The following APPL2 variants were observed in gnomAD, a reference collection of about 807,000 sequenced individuals.
The protein encoded by APPL2 is DCC-interacting protein 13-beta.
In APPL2, 84 loss-of-function variants were observed where a neutral mutation model predicts 92.7. The ratio of observed to expected loss-of-function variants is 0.91; its 90% CI spans 0.76 to 1.09. The LOEUF is 1.09. Among genes scored for constraint, APPL2 ranks in the 50% least tolerant of loss-of-function variants. The pLI is 0.00. For missense variants in APPL2, 736 were observed against 824.5 expected (o/e 0.89, Z 1.31); for synonymous variants, 291 against 291.0 (o/e 1.00, Z 0.00).
intron 1 of APPL2, chr12:105,229,490 AC>A (rs1566102599): frequency 9.9e-7 from 1 of 1,007,540 alleles, no homozygotes; most frequent in African/African-American, 1.7e-5. Context: ...AAAGATTATG[AC>A]TGAAGGGCTA....
rs61940679 is a variant in APPL2 at position 105,211,014 on chromosome 12, G to T, written c.373+216C>A. 9.3e-4 allele frequency among the ~76,000 whole-genome samples: 142 copies of T among 152,212 alleles called. 2 individuals are homozygous for T. The highest frequency in any genetic ancestry group is 1.6e-3 in the Non-Finnish European group (111 of 68,002). ...TACCCTCAGCAAATGACATTACAAC[G>T]ATCTGTTTCCACACCTGTCTTCTCA... On this transcript the variant is annotated intron_variant, in intron 5 of 20. Coordinates refer to ENST00000258530, the MANE Select transcript of APPL2 (RefSeq NM_018171.5).
In APPL2 at chr12:105,188,419, A is replaced by T; in HGVS notation, c.1488T>A (p.Val496=). 6.2e-7 allele frequency: 1 copy of T among 1,614,142 alleles called. No individual in the cohort carries two copies. The highest frequency in any genetic ancestry group is 8.5e-7 in the Non-Finnish European group (1 of 1,180,004). The change falls in exon 17 of 21, where the codon GTT becomes GTA. Residue 496 remains valine (V), a synonymous_variant. Coordinates refer to ENST00000258530, the MANE Select transcript of APPL2 (RefSeq NM_018171.5). ...TAACTGCCATTGATCCCAAAAACCG[A>T]ACTATAAACATCTGCTGCAAAAGAG... The part of the protein sequence containing the change: ...EDSLLQQMFI[V]RFLGSMAVKT...
chr12:105,221,676 G>A (rs576245714), intron 2 of APPL2, among the ~76,000 whole-genome samples: 1 of 151,536 alleles, frequency 6.6e-6, no homozygotes, highest in East Asian at 2.0e-4. Context: ...ATTGTTTTGG[G>A]CACTCTGGGC....
intron 1 of APPL2, among the ~76,000 whole-genome samples, chr12:105,231,830 C>A (rs763524043): frequency 3.4e-4 from 52 of 152,214 alleles, no homozygotes; most frequent in Non-Finnish European, 1.0e-4. Flanking sequence ...GCAGTGATCA[C>A]CTCTGGAAAA....
intron 20 of APPL2, among the ~76,000 whole-genome samples, chr12:105,175,033 A>G (rs897879869): frequency 1.3e-5 from 2 of 152,060 alleles, no homozygotes; most frequent in Non-Finnish European, 2.9e-5. Flanking sequence ...ACAGGTGTGC[A>G]CCACCACACC....
intron 2 of APPL2, among the ~76,000 whole-genome samples, chr12:105,218,523 T>A (rs1592825129): frequency 6.6e-6 from 1 of 152,044 alleles, no homozygotes; most frequent in Admixed American, 6.5e-5. Flanking sequence ...AAACTAGGAG[T>A]CAGCCATGGG....
chr12:105,220,852 C>T (rs886236666), intron 2 of APPL2, among the ~76,000 whole-genome samples: 1 of 152,246 alleles, frequency 6.6e-6, no homozygotes, highest in African/African-American at 2.4e-5. Flanking sequence ...CAACACACAA[C>T]AGCTGCCTTC....
At chr12:105,207,825 A>G in intron 7 of APPL2, 146 bp downstream of exon 7, 1 of 682,576 alleles carries the variant, frequency 1.5e-6, no homozygotes, top group Non-Finnish European at 2.5e-6. Context: ...TCTACTTATG[A>G]GATTTGGAAT....
chr12:105,190,113 C>A lies in APPL2; in HGVS notation c.1284G>T (p.Lys428Asn). Reference protein sequence around the residue: ...KNSEMENENDKIVPKATASLP... With the variant: ...KNSEMENENDNIVPKATASLP... Reference sequence around the variant, plus strand: ...GACTGGCTGTTGCTTTGGGAACAATCTTGTCATTTTCATTTTCCATCTCTG... The same window carrying A: ...GACTGGCTGTTGCTTTGGGAACAATATTGTCATTTTCATTTTCCATCTCTG... The change falls in exon 15 of 21, where the codon AAG (lysine) becomes AAT (asparagine). Residue 428 changes from lysine to asparagine, a missense_variant. By Grantham distance (94) the Lys-to-Asn change is moderately conservative (BLOSUM62 0). Coordinates refer to ENST00000258530, the MANE Select transcript of APPL2 (RefSeq NM_018171.5). 6.2e-7 allele frequency: 1 copy of A among 1,614,100 alleles called. No individual in the cohort carries two copies. Among genetic ancestry groups the A allele is most frequent in the South Asian group, 1.1e-5 (1 of 91,074 alleles).
At chr12:105,182,379 A>C (rs1886193651) in intron 17 of APPL2, among the ~76,000 whole-genome samples, 1 of 151,992 alleles carries the variant, frequency 6.6e-6, no homozygotes, top group South Asian at 2.1e-4. Context: ...GATCTTTCCC[A>C]CTTTTTCCTG....
intron 14 of APPL2, among the ~76,000 whole-genome samples, chr12:105,192,236 A>T (rs1887267979): frequency 6.6e-6 from 1 of 152,178 alleles, no homozygotes; most frequent in African/African-American, 2.4e-5. Context: ...TCTACTTTTC[A>T]TCTCTGCCGT....
At position 105,177,256 on chromosome 12, in the gene APPL2, T is replaced by TATCA. The variant is rs778305467; in HGVS notation, c.1637_1640dup (p.Pro549ArgfsTer12). ...CCCTTGATACTTGAGTCTGTGGATC[T>TATCA]ATCAACCTGAAATTTTAAAAGATAC... is the stretch of plus-strand genomic sequence containing the variant. On this transcript the variant is annotated frameshift_variant, in exon 18 of 21. Coordinates refer to ENST00000258530, the MANE Select transcript of APPL2 (RefSeq NM_018171.5). LOFTEE classifies it high-confidence loss of function. 6.2e-7 allele frequency: 1 copy of TATCA among 1,613,738 alleles called. No homozygotes were observed. Among genetic ancestry groups the TATCA allele is most frequent in the South Asian group, 1.1e-5 (1 of 91,066 alleles).
chr12:105,184,214 A>C (rs1886387151), intron 17 of APPL2, among the ~76,000 whole-genome samples: 1 of 152,088 alleles, frequency 6.6e-6, no homozygotes. Context: ...ATGCTCCTTT[A>C]GCTTGGAGGA....
intron 1 of APPL2, among the ~76,000 whole-genome samples, chr12:105,231,810 A>G (rs1341073261): frequency 6.6e-6 from 1 of 152,226 alleles, no homozygotes; most frequent in Non-Finnish European, 1.5e-5. Flanking sequence ...TCCCTTTTTA[A>G]TTTAACTTGG....
chr12:105,209,430 A>C (rs748591817), intron 5 of APPL2, among the ~76,000 whole-genome samples: 1 of 152,174 alleles, frequency 6.6e-6, no homozygotes, highest in Non-Finnish European at 1.5e-5. Context: ...TCCTGGGCAA[A>C]TACTACTCAT....
intron 11 of APPL2, among the ~76,000 whole-genome samples, chr12:105,196,367 TG>T (rs918014825): frequency 1.3e-5 from 2 of 151,126 alleles, no homozygotes; most frequent in Non-Finnish European, 2.9e-5. Flanking sequence ...CTGCTGCGTA[TG>T]GAGGCCCGGG....
At chr12:105,233,708 T>C (rs1297034091) in intron 1 of APPL2, among the ~76,000 whole-genome samples, 1 of 151,680 alleles carries the variant, frequency 6.6e-6, no homozygotes, top group Non-Finnish European at 1.5e-5. Context: ...ATATCCCTAG[T>C]ACAGGCAAGT....
At chr12:105,227,395 C>G (rs950400179) in intron 2 of APPL2, among the ~76,000 whole-genome samples, 1 of 152,182 alleles carries the variant, frequency 6.6e-6, no homozygotes, top group Non-Finnish European at 1.5e-5. Flanking sequence ...ATCTCTTTAT[C>G]CACTTTGATG....
In APPL2 at chr12:105,174,885, G is replaced by T. The variant is rs757699623; in HGVS notation, c.1861-437C>A. 1.8e-4 allele frequency among the ~76,000 whole-genome samples: 25 copies of T among 142,588 alleles called. 3 individuals are homozygous for T. Among genetic ancestry groups the T allele is most frequent in the African/African-American group, 4.3e-4 (17 of 39,808 alleles). The allele number at this position is 142,588 out of a possible 152,430, so 93.5% of individuals were successfully genotyped here. A position where few individuals can be genotyped will look rare whatever the true frequency, so the allele number is the denominator to read the frequency against. On this transcript the variant is annotated intron_variant, in intron 20 of 20. Transcript: ENST00000258530. Reference sequence around the variant, plus strand: ...TGCTGCTTTTTTTTGGTGGGGGGGGGGGTGGTGCGGCGGTTGGAGACAGAG... The same window carrying T: ...TGCTGCTTTTTTTTGGTGGGGGGGGTGGTGGTGCGGCGGTTGGAGACAGAG...
Sources: allele counts gnomAD v4.1 joint callset (sites outside exome capture counted in the v4.1 genomes callset), GRCh38; gene constraint gnomAD v4.1.1; transcripts MANE v1.5; gene names NCBI Gene and HGNC (gene_info 2026-07-23, HGNC 2026-07-21).